BACH2: variants seen among roughly 807,000 people sequenced by gnomAD.
BACH2 encodes the protein transcription regulator protein BACH2.
BACH2 carries 5 observed loss-of-function variants against 61.8 expected under a neutral mutation model. That is an observed-to-expected ratio of 0.08 (90% CI 0.04 to 0.17). The LOEUF (loss-of-function observed/expected upper bound fraction) is 0.17. BACH2 is among the 10% of genes least tolerant of loss of function. BACH2 has a pLI of 1.00. For synonymous variants in BACH2, 446 were observed against 440.1 expected (o/e 1.01, Z -0.17); for missense variants, 824 against 1,091.1 (o/e 0.76, Z 3.45).
intron 4 of BACH2, among the ~76,000 whole-genome samples, chr6:90,120,279 G>T (rs1783569390): frequency 6.6e-6 from 1 of 152,174 alleles, no homozygotes. Context: ...AATGTCTTTG[G>T]CTTCGTTTCT....
intron 6 of BACH2, among the ~76,000 whole-genome samples, chr6:89,993,671 C>T (rs1427971020): frequency 1.3e-5 from 2 of 152,178 alleles, no homozygotes; most frequent in Non-Finnish European, 1.5e-5. Context: ...AGGGAAACCA[C>T]CTCATTACCA....
At chr6:90,294,844 T>G (rs944752711) in intron 1 of BACH2, among the ~76,000 whole-genome samples, 1 of 152,186 alleles carries the variant, frequency 6.6e-6, no homozygotes, top group Non-Finnish European at 1.5e-5. Context: ...CTTTCCTACA[T>G]GTTACATTTT....
intron 6 of BACH2, among the ~76,000 whole-genome samples, chr6:89,983,992 T>C (rs1461168527): frequency 2.0e-5 from 3 of 152,214 alleles, no homozygotes; most frequent in Non-Finnish European, 1.5e-5. Flanking sequence ...TTCCTTTGTA[T>C]AGGTGCCTGA....
intron 4 of BACH2, among the ~76,000 whole-genome samples, chr6:90,195,324 G>A (rs1768720639): frequency 6.6e-6 from 1 of 152,172 alleles, no homozygotes. Flanking sequence ...CAAGGAGAGC[G>A]AGCAGAGGGG....
At chr6:90,121,280 T>A (rs1433883564) in intron 4 of BACH2, among the ~76,000 whole-genome samples, 1 of 152,170 alleles carries the variant, frequency 6.6e-6, no homozygotes, top group Non-Finnish European at 1.5e-5. Context: ...AAAAAATGAT[T>A]CACTGTTTAA....
intron 3 of BACH2, among the ~76,000 whole-genome samples, chr6:90,230,174 C>A (rs147230253): frequency 6.6e-6 from 1 of 152,324 alleles, no homozygotes; most frequent in African/African-American, 2.4e-5. Context: ...GGGTTCAAAT[C>A]CCTGCTCCAC....
chr6:90,113,460 A>G (rs1783263235), intron 4 of BACH2, among the ~76,000 whole-genome samples: 1 of 152,188 alleles, frequency 6.6e-6, no homozygotes, highest in Non-Finnish European at 1.5e-5. Flanking sequence ...ATACAATCAC[A>G]TGGAAATGAA....
chr6:90,141,488 CGTTTT>C (rs1784459053), intron 4 of BACH2, among the ~76,000 whole-genome samples: 1 of 145,800 alleles, frequency 6.9e-6, no homozygotes, highest in African/African-American at 2.6e-5. Context: ...GCCCCGATCC[CGTTTT>C]TTTTTTTTTT....
chr6:89,983,129 G>A (rs571683283), intron 6 of BACH2, among the ~76,000 whole-genome samples: 48 of 152,302 alleles, frequency 3.2e-4, no homozygotes, highest in African/African-American at 1.1e-3. Context: ...AATGTTTATA[G>A]GAAATCCCCA....
chr6:89,988,534 A>C (rs1047747602), intron 6 of BACH2, among the ~76,000 whole-genome samples: 2 of 152,216 alleles, frequency 1.3e-5, no homozygotes, highest in Non-Finnish European at 2.9e-5. Context: ...ATAGCTCCTT[A>C]GACAGGTTTT....
intron 5 of BACH2, among the ~76,000 whole-genome samples, chr6:90,048,702 C>T (rs1779901734): frequency 6.6e-6 from 1 of 152,162 alleles, no homozygotes; most frequent in African/African-American, 2.4e-5. Context: ...TTTAAAAATT[C>T]CCTCTAACAA....
intron 3 of BACH2, among the ~76,000 whole-genome samples, chr6:90,228,867 C>T (rs1770000297): frequency 6.6e-6 from 1 of 152,168 alleles, no homozygotes; most frequent in Non-Finnish European, 1.5e-5. Flanking sequence ...ACTGCATGAG[C>T]CTAAGTATAA....
At chr6:90,033,346 T>A (rs1278460241) in intron 5 of BACH2, among the ~76,000 whole-genome samples, 3 of 140,234 alleles carry the variant, frequency 2.1e-5, no homozygotes, top group African/African-American at 8.2e-5. Context: ...ACCCTGAAAC[T>A]TAAATAAAAA....
intron 5 of BACH2, among the ~76,000 whole-genome samples, chr6:90,053,885 A>C (rs1780179398): frequency 6.6e-6 from 1 of 152,184 alleles, no homozygotes; most frequent in African/African-American, 2.4e-5. Flanking sequence ...ACTACGGTAT[A>C]AAAAGTTGTG....
At chr6:90,011,932 ATGTGTGTGTGTGTGTGTGTGTG>A (rs71027919) in intron 5 of BACH2, among the ~76,000 whole-genome samples, 3 of 114,280 alleles carry the variant, frequency 2.6e-5, no homozygotes, top group African/African-American at 1.1e-4. Flanking sequence ...AAAAAAAAAT[ATGTGTGTGTGTGTGTGTGTGTG>A]TGTGTGTGTG....
chr6:90,118,322 T>G (rs926915255), intron 4 of BACH2, among the ~76,000 whole-genome samples: 1 of 152,206 alleles, frequency 6.6e-6, no homozygotes, highest in Non-Finnish European at 1.5e-5. Flanking sequence ...ACAAACAGGA[T>G]GAAAGGATCT....
chr6:90,228,507 G>A (rs1769987622), intron 3 of BACH2, among the ~76,000 whole-genome samples: 1 of 152,222 alleles, frequency 6.6e-6, no homozygotes, highest in Non-Finnish European at 1.5e-5. Flanking sequence ...TTTTTGGGAG[G>A]TCAAGGCAGG....
At chr6:90,022,680 G>C (rs138268682) in intron 5 of BACH2, among the ~76,000 whole-genome samples, 1 of 152,340 alleles carries the variant, frequency 6.6e-6, no homozygotes, top group African/African-American at 2.4e-5. Context: ...GTTGGTAGCA[G>C]ACTGTATGTA....
chr6:90,202,409 T>TG (rs1346201843), intron 4 of BACH2, among the ~76,000 whole-genome samples: 1 of 152,166 alleles, frequency 6.6e-6, no homozygotes, highest in East Asian at 1.9e-4. Flanking sequence ...GATGTGGTGC[T>TG]GAATACTGGA....
Sources: allele counts gnomAD v4.1 joint callset (sites outside exome capture counted in the v4.1 genomes callset), GRCh38; gene constraint gnomAD v4.1.1; transcripts MANE v1.5; gene names NCBI Gene and HGNC (gene_info 2026-07-23, HGNC 2026-07-21).